HK1: variants seen among roughly 807,000 people sequenced by gnomAD.
The protein encoded by HK1 is hexokinase 1.
In HK1, 28 loss-of-function variants were observed where a neutral mutation model predicts 91.6. The observed-to-expected ratio is 0.31, with a 90% confidence interval of 0.23 to 0.42. HK1 has a LOEUF of 0.42. Among genes scored for constraint, HK1 ranks in the 10% least tolerant of loss-of-function variants. HK1 has a pLI of 1.00. For synonymous variants in HK1, 430 were observed against 468.1 expected (o/e 0.92, Z 1.05); for missense variants, 770 against 1,219.8 (o/e 0.63, Z 5.49).
upstream of HK1, among the ~76,000 whole-genome samples, chr10:69,312,601 T>C (rs1189055817): frequency 2.0e-5 from 3 of 152,122 alleles, no homozygotes; most frequent in Non-Finnish European, 2.9e-5. Flanking sequence ...AATTCTGTAA[T>C]TCTGCATGAT....
At chr10:69,307,076 G>T (rs974180996) in intron 5 of HK1, among the ~76,000 whole-genome samples, 1 of 152,156 alleles carries the variant, frequency 6.6e-6, no homozygotes. Flanking sequence ...ACTGAGTTTC[G>T]GGTGCCCATG....
intron 1 of HK1, among the ~76,000 whole-genome samples, chr10:69,333,768 C>T (rs1847847794): frequency 2.0e-5 from 3 of 152,108 alleles, no homozygotes; most frequent in African/African-American, 2.4e-5. Flanking sequence ...GAGCACCCAG[C>T]GTGGGCCCTG....
Position 69,287,805 on chromosome 10 carries a change from A to T in HK1, c.-214-866A>T, listed in dbSNP as rs569703107. On this transcript the variant is annotated intron_variant, in intron 2 of 21. Transcript: ENST00000360289. ...ATCACATATAAATAATGTGTACATT[A>T]TAAAGAATAGCCTTAAAAAGTTATA... 2.4e-4 allele frequency among the ~76,000 whole-genome samples: 37 copies of T among 152,276 alleles called. No individual in the cohort carries two copies. The South Asian group carries it at 7.3e-3, about 30-fold the overall frequency.
chr10:69,286,161 A>G (rs748229836), intron 2 of HK1, among the ~76,000 whole-genome samples: 9 of 152,224 alleles, frequency 5.9e-5, no homozygotes, highest in Non-Finnish European at 1.0e-4. Context: ...TTAAGCCCAT[A>G]TAGCATAATA....
intron 2 of HK1, among the ~76,000 whole-genome samples, chr10:69,353,483 C>T (rs1221212880): frequency 6.6e-6 from 1 of 152,014 alleles, no homozygotes; most frequent in Non-Finnish European, 1.5e-5. Context: ...GTTCCAGCTA[C>T]TCGGGAGGTT....
intron 1 of HK1, among the ~76,000 whole-genome samples, chr10:69,275,823 C>T (rs1358118790): frequency 6.6e-6 from 1 of 151,810 alleles, no homozygotes; most frequent in South Asian, 2.1e-4. Context: ...GGCACAGTGG[C>T]TCATGCCTGT....
At chr10:69,356,807 C>T (rs556907187) in intron 2 of HK1, among the ~76,000 whole-genome samples, 2 of 142,708 alleles carry the variant, frequency 1.4e-5, no homozygotes, top group Admixed American at 7.2e-5. Context: ...TGCTTGAACC[C>T]GGGAAGCAGA....
intron 1 of HK1, among the ~76,000 whole-genome samples, chr10:69,331,893 T>A (rs546352684): frequency 0.033 from 4,821 of 145,970 alleles, 167 homozygotes; most frequent in African/African-American, 0.095. Context: ...AAAAAAAAAT[T>A]TTTTTTCTGA....
chr10:69,358,977 G>A (rs1404766796), intron 2 of HK1, among the ~76,000 whole-genome samples: 1 of 151,954 alleles, frequency 6.6e-6, no homozygotes, highest in Non-Finnish European at 1.5e-5. Context: ...GAGCCCAGGA[G>A]CTTGAGACTG....
chr10:69,309,990 CA>C (rs1464745238), intron 5 of HK1, among the ~76,000 whole-genome samples: 3 of 148,678 alleles, frequency 2.0e-5, no homozygotes, highest in Non-Finnish European at 3.0e-5. Context: ...GCGGAGGTCA[CA>C]GTGAGCCGGG....
chr10:69,386,460 A>G, intron 13 of HK1, 42 bp downstream of exon 13: 1 of 1,479,868 alleles, frequency 6.8e-7, no homozygotes, highest in African/African-American at 1.4e-5. Context: ...TTACTGTTTT[A>G]GGGGCTTCTA....
intron 4 of HK1, among the ~76,000 whole-genome samples, chr10:69,298,713 G>T (rs762981453): frequency 6.6e-6 from 1 of 151,690 alleles, no homozygotes; most frequent in African/African-American, 2.4e-5. Context: ...TCCTACCCCT[G>T]GTACAGACTA....
intron 1 of HK1, among the ~76,000 whole-genome samples, chr10:69,327,557 C>T (rs72805685): frequency 0.081 from 12,255 of 152,170 alleles, 655 homozygotes; most frequent in Non-Finnish European, 0.11. Context: ...TCAGCGCATG[C>T]ACAAGTTTCT....
intron 2 of HK1, among the ~76,000 whole-genome samples, chr10:69,348,483 T>C (rs892584673): frequency 6.6e-6 from 1 of 152,240 alleles, no homozygotes; most frequent in Admixed American, 6.5e-5. Flanking sequence ...GGATTGTAGA[T>C]GGGCAGGAAT....
At chr10:69,344,436 C>T (rs940233509) in intron 2 of HK1, among the ~76,000 whole-genome samples, 2 of 152,180 alleles carry the variant, frequency 1.3e-5, no homozygotes, top group Non-Finnish European at 2.9e-5. Context: ...CTCTTCTTAT[C>T]CCAGATAATA....
intron 2 of HK1, among the ~76,000 whole-genome samples, chr10:69,347,138 G>A (rs1225677561): frequency 1.3e-5 from 2 of 151,806 alleles, no homozygotes; most frequent in Non-Finnish European, 2.9e-5. Context: ...CACCCCCTAC[G>A]TAGCTGGGAT....
chr10:69,343,794 A>G, intron 1 of HK1, 33 bp from the exon 2 acceptor site: 8 of 1,558,566 alleles, frequency 5.1e-6, no homozygotes, highest in African/African-American at 2.7e-5. Context: ...CTCCCCCTCG[A>G]CCTCACTCTC....
At chr10:69,313,717 G>A (rs1375448024), upstream of HK1, among the ~76,000 whole-genome samples, 2 of 151,888 alleles carry the variant, frequency 1.3e-5, no homozygotes, top group Non-Finnish European at 2.9e-5. Flanking sequence ...GTCTGGTCTC[G>A]AACTCCCGAC....
rs182846849 is a variant in HK1 at position 69,326,035 on chromosome 10, C to T, written c.63+7025C>T. On this transcript the variant is annotated intron_variant, in intron 1 of 17. Coordinates refer to ENST00000359426, the MANE Select transcript of HK1 (RefSeq NM_000188.3). ...ATTTTTTGTAGAGACGGGGTTTCAC[C>T]GTGTTGGCCAGGCTGGTCTTGAATT... 9.1e-3 allele frequency among the ~76,000 whole-genome samples: 1,383 copies of T among 151,734 alleles called. 9 individuals carry two copies. The highest frequency in any genetic ancestry group is 0.024 in the South Asian group (116 of 4,808).
Sources: allele counts gnomAD v4.1 joint callset (sites outside exome capture counted in the v4.1 genomes callset), GRCh38; gene constraint gnomAD v4.1.1; transcripts MANE v1.5; gene names NCBI Gene and HGNC (gene_info 2026-07-23, HGNC 2026-07-21).